STX12: variants seen among roughly 807,000 people sequenced by gnomAD.
STX12 encodes the protein syntaxin 12.
STX12 carries 17 observed loss-of-function variants against 42.2 expected under a neutral mutation model. The observed-to-expected ratio is 0.40, with a 90% CI of 0.28 to 0.60. The LOEUF (loss-of-function observed/expected upper bound fraction) is 0.60. STX12 is among the 20% of genes least tolerant of loss of function. The probability of loss-of-function intolerance (pLI) is 0.39; values close to 1 mark genes in which losing one functional copy is unlikely to be tolerated. For synonymous variants in STX12, 108 were observed against 116.7 expected, an observed-to-expected ratio of 0.93 and a Z score of 0.48; for missense variants, 297 against 330.9, an observed-to-expected ratio of 0.90 and a Z score of 0.79.
At chr1:27,786,651 CTGAA>C (rs533185246) in intron 1 of STX12, among the ~76,000 whole-genome samples, 1 of 151,886 alleles carries the variant, frequency 6.6e-6, no homozygotes, top group African/African-American at 2.4e-5. Flanking sequence ...ATACTCTACT[CTGAA>C]TGAATGAATG....
rs774034990 is a variant in STX12, at chr1:27,801,759, G to T, written c.370G>T (p.Val124Leu). ...LNNFQAVQRRVSEKEKESIAR... is the reference protein window; with the variant it reads ...LNNFQAVQRRLSEKEKESIAR... ...CAATTTCCAGGCTGTGCAGAGAAGGGTATCTGAAAAGGAAAAGGAGAGTAT... is the reference window on the plus strand; with the variant it reads ...CAATTTCCAGGCTGTGCAGAGAAGGTTATCTGAAAAGGAAAAGGAGAGTAT... The change falls in exon 4 of 9, where the codon GTA (valine) becomes TTA (leucine). Residue 124 changes from valine to leucine, a missense_variant. Physicochemically the swap from Val to Leu is conservative, Grantham distance 32. Transcript: ENST00000373943. 1 of 1,596,158 alleles carries T rather than the reference G, an allele frequency of 6.3e-7. No individual in the cohort carries two copies. Among genetic ancestry groups the T allele is most frequent in the Non-Finnish European group, 8.5e-7 (1 of 1,173,668 alleles).
At chr1:27,819,106 T>A (rs2088964386) in intron 7 of STX12, among the ~76,000 whole-genome samples, 1 of 151,446 alleles carries the variant, frequency 6.6e-6, no homozygotes, top group East Asian at 1.9e-4. Flanking sequence ...TAAGACCCTG[T>A]CTTTACCAAA....
Position 27,818,920 on chromosome 1 carries a change from C to T in STX12, c.650-730C>T, listed in dbSNP as rs188713593. On this transcript the variant is annotated intron_variant, in intron 7 of 8. Coordinates refer to ENST00000373943, the MANE Select transcript of STX12 (RefSeq NM_177424.3). The stretch of plus-strand genomic sequence containing the variant: ...GGGATTACAGGCGTGAGCCACCACG[C>T]CTGGCCAGTAACTCTTTTTTTTAAA... Among the ~76,000 whole-genome samples the T allele has an allele frequency of 3.8e-3, 565 of 148,976 alleles. 6 individuals carry two copies. The highest frequency in any genetic ancestry group is 2.5e-3 in the Non-Finnish European group (167 of 68,016).
Position 27,773,447 on chromosome 1 carries a change from G to C in STX12, c.118+22G>C, listed in dbSNP as rs868439662. The C allele has an allele frequency of 8.7e-6, 14 of 1,609,252 alleles. No homozygotes were observed. In the Admixed American group the frequency reaches 1.2e-4, roughly 13 times the overall value. On this transcript the variant is annotated intron_variant, in intron 1 of 8. Transcript: ENST00000373943. ...GCCAGTGAGCCGGGGTACCGAGCTG[G>C]GGGGCGGGAGCTGTCCCGGGGACAG...
rs996204444 is a variant in STX12 at position 27,788,953 on chromosome 1, G to A, written c.119-609G>A. Among the ~76,000 whole-genome samples, 64 of 152,114 alleles carry A rather than the reference G, an allele frequency of 4.2e-4. 1 individual carries two copies. The highest frequency in any genetic ancestry group is 6.2e-4 in the South Asian group (3 of 4,828). On this transcript the variant is annotated intron_variant, in intron 1 of 8. Coordinates refer to ENST00000373943, the MANE Select transcript of STX12 (RefSeq NM_177424.3). ...CATGAACCCAGGAGGCGGAGCTTGC[G>A]TGAGCTGAGATCGTGCCACTGCACT...
At position 27,822,302 on chromosome 1, in the gene STX12, T is replaced by A. The variant is rs763865438; in HGVS notation, c.804T>A (p.Ile268=). 1.2e-6 allele frequency: 2 copies of A among 1,612,688 alleles called. No individual in the cohort carries two copies. The highest frequency in any genetic ancestry group is 2.2e-5 in the East Asian group (1 of 44,890). ...TGATTATTCTAATCTTGGGACTTAT[T>A]ATCTGGCTAGTTTATAAAACGAAGT... ...LSVIILILGL[I]IWLVYKTK is the part of the protein sequence containing the mutation. Residue 268 remains isoleucine (I), a synonymous_variant, in exon 9 of 9, where the codon ATT becomes ATA. Coordinates refer to ENST00000373943, the MANE Select transcript of STX12 (RefSeq NM_177424.3).
At chr1:27,797,503 C>T (rs978761923) in intron 3 of STX12, among the ~76,000 whole-genome samples, 1 of 152,162 alleles carries the variant, frequency 6.6e-6, no homozygotes, top group Non-Finnish European at 1.5e-5. Context: ...TTCATATCCT[C>T]CTAAGAGTGG....
intron 1 of STX12, among the ~76,000 whole-genome samples, chr1:27,775,797 C>T (rs550989269): frequency 1.3e-5 from 2 of 152,066 alleles, no homozygotes; most frequent in Admixed American, 1.3e-4. Context: ...AAGATTTGGA[C>T]CTTCGAAGGT....
intron 2 of STX12, 91 bp downstream of exon 2, chr1:27,789,722 G>T: frequency 1.0e-6 from 1 of 983,726 alleles, no homozygotes; most frequent in Middle Eastern, 2.1e-4. Flanking sequence ...TCAGGTCTGG[G>T]AAGTCAGAAT....
intron 6 of STX12, among the ~76,000 whole-genome samples, chr1:27,817,562 A>G (rs1450819605): frequency 3.3e-5 from 5 of 152,150 alleles, no homozygotes; most frequent in Non-Finnish European, 7.3e-5. Flanking sequence ...CACACCAAGA[A>G]TTTGTCTATA....
In STX12 at chr1:27,794,940, C is replaced by A. The variant is rs180902509; in HGVS notation, c.288+1308C>A. ...GTCTTGCTATGTTTTCCAGGCTAGT[C>A]TCAAACTCCTGGGCTCAAGTGATCC... On this transcript the variant is annotated intron_variant, in intron 3 of 8. Transcript: ENST00000373943. Among the ~76,000 whole-genome samples the A allele has an allele frequency of 8.5e-4, 130 of 152,242 alleles. 1 individual carries two copies. The highest frequency in any genetic ancestry group is 3.0e-3 in the African/African-American group (125 of 41,548).
chr1:27,807,854 ATGAT>A (rs1228684056), intron 4 of STX12, among the ~76,000 whole-genome samples: 8 of 152,230 alleles, frequency 5.3e-5, no homozygotes, highest in African/African-American at 1.9e-4. Flanking sequence ...AGCAAAGAAA[ATGAT>A]TGAACCACAG....
rs551520742 is a variant in STX12 at position 27,822,355 on chromosome 1, G to A, written c.*26G>A. On this transcript the variant is annotated 3_prime_UTR_variant, in exon 9 of 9. Transcript: ENST00000373943. ...TTGCCTCCGATCGTTCTCCCGCTGA[G>A]CTGTTTTCAAGGGCAAGTGCTTGTT... The A allele has an allele frequency of 5.5e-5, 83 of 1,496,686 alleles. 1 individual carries two copies. The highest frequency in any genetic ancestry group is 7.5e-5 in the Non-Finnish European group (80 of 1,073,048). The allele number at this position is 1,496,686 out of a possible 1,614,324, so 92.7% of individuals were successfully genotyped here. A position where few individuals can be genotyped will look rare whatever the true frequency, so the allele number is the denominator to read the frequency against.
intron 4 of STX12, 131 bp downstream of exon 4, chr1:27,801,946 A>G: frequency 9.0e-7 from 1 of 1,106,634 alleles, no homozygotes; most frequent in Non-Finnish European, 1.2e-6. Context: ...GGTTGGTGTA[A>G]CCTATGTAAA....
At chr1:27,788,267 A>G (rs2088712218) in intron 1 of STX12, among the ~76,000 whole-genome samples, 1 of 152,252 alleles carries the variant, frequency 6.6e-6, no homozygotes, top group African/African-American at 2.4e-5. Flanking sequence ...ACCTCTATGA[A>G]TGAATAAATC....
chr1:27,805,496 G>C (rs1287864503), intron 4 of STX12, among the ~76,000 whole-genome samples: 1 of 151,944 alleles, frequency 6.6e-6, no homozygotes, highest in East Asian at 1.9e-4. Flanking sequence ...TTTCATAGCT[G>C]CTTTTGTTTT....
chr1:27,778,013 T>C (rs2088638689), intron 1 of STX12, among the ~76,000 whole-genome samples: 1 of 152,158 alleles, frequency 6.6e-6, no homozygotes, highest in Non-Finnish European at 1.5e-5. Context: ...CCCAAACCTC[T>C]CCAAGAGGCC....
intron 6 of STX12, among the ~76,000 whole-genome samples, chr1:27,813,738 G>T (rs759512082): frequency 2.6e-4 from 39 of 152,062 alleles, no homozygotes; most frequent in Non-Finnish European, 4.7e-4. Context: ...TTAAAAATGG[G>T]CAAATATCCA....
chr1:27,818,598 C>T (rs1022107868), intron 7 of STX12, among the ~76,000 whole-genome samples: 1 of 151,778 alleles, frequency 6.6e-6, no homozygotes, highest in Non-Finnish European at 1.5e-5. Context: ...CAGCTTTTAT[C>T]TCAACAAACT....
Sources: gnomAD v4.1 joint callset for allele counts (sites outside exome capture counted in the v4.1 genomes callset) on GRCh38, gnomAD v4.1.1 for gene constraint, MANE v1.5 for transcripts, NCBI Gene and HGNC (gene_info 2026-07-23, HGNC 2026-07-21) for gene names.